Variants in CNTN1 observed in about 807,000 individuals in gnomAD.
The protein encoded by CNTN1 is contactin-1.
CNTN1 carries 38 observed loss-of-function variants against 126.4 expected under a neutral mutation model. The observed-to-expected ratio is 0.30, with a 90% CI of 0.23 to 0.39. The LOEUF (loss-of-function observed/expected upper bound fraction) is 0.39. Ranked by LOEUF, CNTN1 falls within the 10% of genes least tolerant of loss-of-function variation. The probability of loss-of-function intolerance (pLI) is 1.00; values close to 1 mark genes in which losing one functional copy is unlikely to be tolerated. For missense variants in CNTN1, 1,009 were observed against 1,248.4 expected (o/e 0.81, Z 2.89); for synonymous variants, 413 against 422.6 (o/e 0.98, Z 0.28).
intron 23 of CNTN1, among the ~76,000 whole-genome samples, 182 bp downstream of exon 23, chr12:41,029,401 G>C (rs1949097345): frequency 6.6e-6 from 1 of 152,176 alleles, no homozygotes; most frequent in Non-Finnish European, 1.5e-5. Context: ...AAGTAAGTCT[G>C]TGACATACCA....
chr12:40,773,692 T>TATAA (rs1297325896), intron 1 of CNTN1, among the ~76,000 whole-genome samples: 1 of 10,422 alleles, frequency 9.6e-5, no homozygotes, highest in African/African-American at 2.6e-4. Context: ...TATATATATA[T>TATAA]ACACATATAT....
chr12:41,032,631 T>C (rs1167709008), intron 23 of CNTN1, among the ~76,000 whole-genome samples: 1 of 152,200 alleles, frequency 6.6e-6, no homozygotes, highest in Non-Finnish European at 1.5e-5. Flanking sequence ...TCATTCTTGT[T>C]TCTGTTCTGA....
chr12:41,033,882 C>CAAAA (rs34710701), intron 23 of CNTN1, among the ~76,000 whole-genome samples: 2 of 103,224 alleles, frequency 1.9e-5, no homozygotes, highest in African/African-American at 6.9e-5. Flanking sequence ...ACTAAAAATA[C>CAAAA]AAAAAAAAAA....
chr12:40,895,021 C>T (rs560259179), intron 1 of CNTN1, among the ~76,000 whole-genome samples: 15 of 152,162 alleles, frequency 9.9e-5, no homozygotes, highest in Admixed American at 9.8e-4. Context: ...AAAGTCTGGC[C>T]TCAAGGTAAT....
chr12:40,888,031 G>A lies in CNTN1; in HGVS notation c.-76-20326G>A, dbSNP rs1413970101. ...GACTGTTGTGGGGTGGGGGGAGGGAGGAGGGATAGCATTAGGAGATATACC... is the reference window on the plus strand; with the variant it reads ...GACTGTTGTGGGGTGGGGGGAGGGAAGAGGGATAGCATTAGGAGATATACC... On this transcript the variant is annotated intron_variant, in intron 1 of 23. Transcript: ENST00000551295. Among the ~76,000 whole-genome samples the A allele has an allele frequency of 8.5e-5, 12 of 140,666 alleles. No homozygotes were observed. In the Admixed American group the frequency reaches 8.6e-4, roughly 10 times the overall value. The allele number at this position is 140,666 out of a possible 152,430, so 92.3% of individuals were successfully genotyped here. A position where few individuals can be genotyped will look rare whatever the true frequency, so the allele number is the denominator to read the frequency against.
At chr12:40,967,648 C>G (rs898499059) in intron 15 of CNTN1, among the ~76,000 whole-genome samples, 4 of 152,026 alleles carry the variant, frequency 2.6e-5, no homozygotes, top group African/African-American at 9.7e-5. Context: ...TGCGTATTTA[C>G]CAGATAATTA....
chr12:40,961,593 G>A (rs995740242), intron 15 of CNTN1, among the ~76,000 whole-genome samples: 3 of 151,828 alleles, frequency 2.0e-5, no homozygotes, highest in East Asian at 1.9e-4. Flanking sequence ...ACCAGAAATT[G>A]TACATAAAAT....
chr12:40,987,262 T>C (rs750318850), intron 16 of CNTN1, among the ~76,000 whole-genome samples: 17 of 152,220 alleles, frequency 1.1e-4, no homozygotes, highest in Non-Finnish European at 2.2e-4. Flanking sequence ...AATAAATATG[T>C]TTCAAAGATA....
At chr12:40,786,042 C>T (rs7955276) in intron 1 of CNTN1, among the ~76,000 whole-genome samples, 135 of 152,264 alleles carry the variant, frequency 8.9e-4, no homozygotes, top group African/African-American at 3.2e-3. Context: ...TGTCTTATGA[C>T]AACAGCTCTG....
chr12:40,779,612 TTAA>T (rs1353736959), intron 1 of CNTN1, among the ~76,000 whole-genome samples: 1 of 151,936 alleles, frequency 6.6e-6, no homozygotes, highest in East Asian at 1.9e-4. Flanking sequence ...AGACATTCTT[TTAA>T]ATGTGTTTCT....
chr12:40,978,573 A>G (rs1025009623), intron 15 of CNTN1, among the ~76,000 whole-genome samples: 2 of 152,190 alleles, frequency 1.3e-5, no homozygotes, highest in African/African-American at 4.8e-5. Flanking sequence ...AGAACCTACC[A>G]TAAGCCAGAC....
At chr12:40,734,545 T>A (rs941539465) in intron 1 of CNTN1, among the ~76,000 whole-genome samples, 1 of 152,118 alleles carries the variant, frequency 6.6e-6, no homozygotes. Context: ...AGTTGTGTGA[T>A]TTGGGACAAA....
At chr12:40,873,206 A>T (rs1258457914) in intron 1 of CNTN1, among the ~76,000 whole-genome samples, 1 of 152,228 alleles carries the variant, frequency 6.6e-6, no homozygotes. Flanking sequence ...AATTCTAAAA[A>T]GTGCTATAAG....
At chr12:41,007,084 G>A (rs1286373692) in intron 17 of CNTN1, among the ~76,000 whole-genome samples, 4 of 116,262 alleles carry the variant, frequency 3.4e-5, no homozygotes, top group African/African-American at 1.4e-4. Flanking sequence ...TTTTGAGACG[G>A]AGTCTCGCTC....
intron 1 of CNTN1, among the ~76,000 whole-genome samples, chr12:40,721,393 T>G (rs1245105807): frequency 6.6e-6 from 1 of 152,120 alleles, no homozygotes; most frequent in Admixed American, 6.6e-5. Context: ...TTATGTCATA[T>G]AAAGGTCTCT....
At chr12:40,894,800 T>G (rs1944350828) in intron 1 of CNTN1, among the ~76,000 whole-genome samples, 1 of 152,216 alleles carries the variant, frequency 6.6e-6, no homozygotes, top group African/African-American at 2.4e-5. Context: ...AAAATATTTC[T>G]GAATGAGTTT....
chr12:40,876,298 C>T (rs1360016333), intron 1 of CNTN1, among the ~76,000 whole-genome samples: 3 of 152,038 alleles, frequency 2.0e-5, no homozygotes, highest in Non-Finnish European at 4.4e-5. Context: ...TTTCTAAAAT[C>T]AAATTCAAAA....
chr12:40,906,018 G>C lies in CNTN1; in HGVS notation c.-76-2339G>C, dbSNP rs12314079. Among the ~76,000 whole-genome samples the C allele has an allele frequency of 6.5e-3, 992 of 152,362 alleles. 15 individuals carry two copies. The highest frequency in any genetic ancestry group is 0.022 in the African/African-American group (929 of 41,580). Reference sequence around the variant, plus strand: ...TGGCCGGGTGCAATGGCTCACGCCTGTAATCCCAGCACTTTGGGAGGCCGA... The same window carrying C: ...TGGCCGGGTGCAATGGCTCACGCCTCTAATCCCAGCACTTTGGGAGGCCGA... On this transcript the variant is annotated intron_variant, in intron 1 of 23. Coordinates refer to ENST00000551295, the MANE Select transcript of CNTN1 (RefSeq NM_001843.4).
chr12:40,936,819 G>C lies in CNTN1; in HGVS notation c.1024G>C (p.Val342Leu). The change falls in exon 10 of 24, where the codon GTG (valine) becomes CTG (leucine). Residue 342 changes from valine to leucine, a missense_variant. Val to Leu is a conservative substitution (Grantham distance 32). Transcript: ENST00000551295. Reference sequence around the variant, plus strand: ...GGTAGAACACATCAATGACACAGAGGTGGACATAGGCAGTGATCTCTACTG... The same window carrying C: ...GGTAGAACACATCAATGACACAGAGCTGGACATAGGCAGTGATCTCTACTG... ...EWVEHINDTEVDIGSDLYWPC... is the reference protein window; with the variant it reads ...EWVEHINDTELDIGSDLYWPC... 2 of 1,613,328 alleles carry C rather than the reference G, an allele frequency of 1.2e-6. No homozygotes were observed. Among genetic ancestry groups the C allele is most frequent in the Non-Finnish European group, 1.7e-6 (2 of 1,179,450 alleles).
Sources: gnomAD v4.1 joint callset for allele counts (sites outside exome capture counted in the v4.1 genomes callset) on GRCh38, gnomAD v4.1.1 for gene constraint, MANE v1.5 for transcripts, NCBI Gene and HGNC (gene_info 2026-07-23, HGNC 2026-07-21) for gene names.